The following ARB2A variants were observed in gnomAD, a reference collection of about 807,000 sequenced individuals.
ARB2A encodes cotranscriptional regulator ARB2A.
the ARB2A span, among the ~76,000 whole-genome samples, chr5:93,935,266 A>G: frequency 1.3e-5 from 2 of 152,288 alleles, no homozygotes; most frequent in African/African-American, 4.8e-5. Flanking sequence ...AAAAAAAGAT[A>G]ACAGTACTAC....
the ARB2A span, chr5:93,617,991 A>G: frequency 6.6e-6 from 1 of 152,108 alleles, no homozygotes. Context: ...CCTTCCTTTT[A>G]TGTTTTTGCT....
At chr5:94,050,845 C>T in the ARB2A span, 2 of 1,532,568 alleles carry the variant, frequency 1.3e-6, no homozygotes, top group South Asian at 1.2e-5. Context: ...AGAAGATAAA[C>T]AAACAATATT....
At chr5:93,763,188 A>G in the ARB2A span, among the ~76,000 whole-genome samples, 1 of 152,198 alleles carries the variant, frequency 6.6e-6, no homozygotes, top group Non-Finnish European at 1.5e-5. Context: ...TCAAATTCAC[A>G]CATAACAATA....
the ARB2A span, among the ~76,000 whole-genome samples, chr5:93,848,158 G>A: frequency 6.6e-6 from 1 of 152,178 alleles, no homozygotes; most frequent in Non-Finnish European, 1.5e-5. Flanking sequence ...GCCAAGGCAG[G>A]TGGATCACAA....
chr5:93,904,680 C>A, the ARB2A span, among the ~76,000 whole-genome samples: 1 of 151,688 alleles, frequency 6.6e-6, no homozygotes, highest in Non-Finnish European at 1.5e-5. Context: ...ACAAATAAAT[C>A]TATTCTAATC....
At chr5:93,733,204 C>A in the ARB2A span, 1 of 138,870 alleles carries the variant, frequency 7.2e-6, no homozygotes, top group African/African-American at 2.6e-5. Context: ...CTTTTCTTTC[C>A]TTTTTTTTTT....
chr5:93,950,158 G>A, the ARB2A span, among the ~76,000 whole-genome samples: 4 of 152,168 alleles, frequency 2.6e-5, no homozygotes, highest in Non-Finnish European at 5.9e-5. Flanking sequence ...ATTGTGAAGA[G>A]TGCTGCAATG....
At chr5:93,772,799 C>A in the ARB2A span, among the ~76,000 whole-genome samples, 72 of 152,310 alleles carry the variant, frequency 4.7e-4, no homozygotes, top group Non-Finnish European at 7.1e-4. Context: ...GGCCTCTCCA[C>A]AGGGCAGCTT....
At chr5:93,714,847 TA>T in the ARB2A span, among the ~76,000 whole-genome samples, 2 of 152,198 alleles carry the variant, frequency 1.3e-5, no homozygotes, top group Non-Finnish European at 2.9e-5. Flanking sequence ...ATAAGTACAT[TA>T]TTCAATCTTT....
chr5:93,708,297 A>C, the ARB2A span, among the ~76,000 whole-genome samples: 2 of 152,286 alleles, frequency 1.3e-5, no homozygotes, highest in African/African-American at 4.8e-5. Flanking sequence ...ACTATACTAT[A>C]AGCTCTAGGA....
the ARB2A span, chr5:93,865,907 G>A: frequency 1.2e-5 from 12 of 985,250 alleles, no homozygotes; most frequent in South Asian, 4.7e-5. Context: ...CCACCTTATC[G>A]CTATGAGGGC....
the ARB2A span, among the ~76,000 whole-genome samples, chr5:93,622,387 A>G: frequency 6.6e-6 from 1 of 152,212 alleles, no homozygotes; most frequent in Non-Finnish European, 1.5e-5. Flanking sequence ...TTACTCTACA[A>G]TGGTGCAACA....
chr5:93,681,142 C>CA, the ARB2A span, among the ~76,000 whole-genome samples: 1 of 151,992 alleles, frequency 6.6e-6, no homozygotes, highest in Non-Finnish European at 1.5e-5. Context: ...AAAAATCCCC[C>CA]AAATAGGTGC....
the ARB2A span, among the ~76,000 whole-genome samples, chr5:93,641,501 G>C: frequency 6.6e-6 from 1 of 152,178 alleles, no homozygotes; most frequent in Non-Finnish European, 1.5e-5. Context: ...GCTACTGAAA[G>C]ATGTCTTGAG....
At chr5:93,788,732 TAG>T in the ARB2A span, among the ~76,000 whole-genome samples, 2 of 152,218 alleles carry the variant, frequency 1.3e-5, no homozygotes. Flanking sequence ...TGAATTAAGG[TAG>T]AGAGATGCCT....
chr5:93,817,428 C>T, the ARB2A span, among the ~76,000 whole-genome samples: 1 of 152,120 alleles, frequency 6.6e-6, no homozygotes, highest in Non-Finnish European at 1.5e-5. Context: ...TAATCAATCC[C>T]AATACAAATC....
At chr5:93,857,595 C>T in the ARB2A span, among the ~76,000 whole-genome samples, 2 of 152,122 alleles carry the variant, frequency 1.3e-5, no homozygotes, top group African/African-American at 4.8e-5. Context: ...GAGCCATGTG[C>T]GGGATATAAT....
At chr5:93,950,193 T>G in the ARB2A span, among the ~76,000 whole-genome samples, 8 of 152,316 alleles carry the variant, frequency 5.3e-5, no homozygotes, top group African/African-American at 1.9e-4. Context: ...GATATCTCTT[T>G]GATAAACTGA....
At chr5:93,635,456 A>G in the ARB2A span, among the ~76,000 whole-genome samples, 1 of 144,172 alleles carries the variant, frequency 6.9e-6, no homozygotes, top group Non-Finnish European at 1.5e-5. Flanking sequence ...AGTTTATACG[A>G]AAGTTTTTTT....
Sources: gnomAD v4.1 joint callset for allele counts (sites outside exome capture counted in the v4.1 genomes callset) on GRCh38, gnomAD v4.1.1 for gene constraint, MANE v1.5 for transcripts, NCBI Gene and HGNC (gene_info 2026-07-23, HGNC 2026-07-21) for gene names.